Variants in PPP1R1C observed in about 807,000 individuals in gnomAD.
The protein encoded by PPP1R1C is protein phosphatase 1 regulatory subunit 1C.
Under a neutral mutation model 17.4 loss-of-function variants are expected in PPP1R1C, and 15 were observed. The observed-to-expected ratio is 0.86, with a 90% CI of 0.58 to 1.33. The LOEUF is 1.33. Among genes scored for constraint, PPP1R1C ranks in the 40% most tolerant of loss-of-function variants. The probability of loss-of-function intolerance (pLI) is 0.00; values close to 1 mark genes in which losing one functional copy is unlikely to be tolerated. For missense variants in PPP1R1C, 143 were observed against 130.0 expected (o/e 1.10, Z -0.48); for synonymous variants, 35 against 43.1 (o/e 0.81, Z 0.73).
At chr2:182,097,384 G>A (rs1224741378) in intron 4 of PPP1R1C, among the ~76,000 whole-genome samples, 1 of 152,146 alleles carries the variant, frequency 6.6e-6, no homozygotes, top group Non-Finnish European at 1.5e-5. Context: ...TTGTCTTCTA[G>A]TAAGTTATAG....
At chr2:182,023,232 T>C (rs983356171) in intron 2 of PPP1R1C, among the ~76,000 whole-genome samples, 1 of 152,012 alleles carries the variant, frequency 6.6e-6, no homozygotes, top group African/African-American at 2.4e-5. Context: ...ATCCCACAGC[T>C]AAAAATTCAG....
At chr2:181,989,314 A>G (rs1039935695) in intron 2 of PPP1R1C, among the ~76,000 whole-genome samples, 1 of 152,200 alleles carries the variant, frequency 6.6e-6, no homozygotes, top group African/African-American at 2.4e-5. Context: ...CCAAAATAGC[A>G]GCTACATTCT....
intron 2 of PPP1R1C, among the ~76,000 whole-genome samples, chr2:182,019,144 G>A (rs1686342951): frequency 6.6e-6 from 1 of 152,106 alleles, no homozygotes; most frequent in Non-Finnish European, 1.5e-5. Context: ...ACCAAATGTA[G>A]AGATTATTTG....
rs1687911186 is a variant in PPP1R1C, at chr2:182,063,782, A to C, written c.232A>C (p.Thr78Pro). The C allele has an allele frequency of 6.2e-7, 1 of 1,612,314 alleles. No homozygotes were observed. Among genetic ancestry groups the C allele is most frequent in the Non-Finnish European group, 8.5e-7 (1 of 1,178,794 alleles). ...GAAGCAGAGTGTGTACACACCACCC[A>C]CCATAAAAGGTACTGTTCAGGTACT... is the stretch of plus-strand genomic sequence containing the variant. ...QRKQSVYTPP[T>P]IKGVKHLKGQ... is the part of the protein sequence containing the mutation. The change falls in exon 4 of 5, where the codon ACC becomes CCC. Residue 78 changes from threonine (T) to proline (P), a missense_variant. Thr to Pro is a conservative substitution (Grantham distance 38). Coordinates refer to ENST00000682840, the MANE Select transcript of PPP1R1C (RefSeq NM_001080545.3).
chr2:181,994,041 C>T (rs1377671941), intron 2 of PPP1R1C, among the ~76,000 whole-genome samples: 2 of 151,864 alleles, frequency 1.3e-5, no homozygotes, highest in Non-Finnish European at 2.9e-5. Flanking sequence ...CTATAGTACC[C>T]CCTAATTCAT....
At chr2:181,966,290 A>T (rs1684901934) in intron 1 of PPP1R1C, among the ~76,000 whole-genome samples, 1 of 152,104 alleles carries the variant, frequency 6.6e-6, no homozygotes, top group Non-Finnish European at 1.5e-5. Flanking sequence ...ATTTGGAGGC[A>T]CTTTATTTCT....
chr2:182,016,884 G>A (rs376351064), intron 2 of PPP1R1C, among the ~76,000 whole-genome samples: 13 of 152,244 alleles, frequency 8.5e-5, no homozygotes, highest in East Asian at 5.8e-4. Context: ...GTTTTATGTC[G>A]TTTTTATAGG....
At chr2:182,079,491 A>G (rs1028724003) in intron 4 of PPP1R1C, among the ~76,000 whole-genome samples, 1 of 152,170 alleles carries the variant, frequency 6.6e-6, no homozygotes, top group African/African-American at 2.4e-5. Flanking sequence ...CAAAAATCTG[A>G]AGCCTGAGAA....
chr2:182,096,381 A>G (rs1688937462), intron 4 of PPP1R1C, among the ~76,000 whole-genome samples: 2 of 152,080 alleles, frequency 1.3e-5, no homozygotes, highest in South Asian at 4.1e-4. Flanking sequence ...AGACAGAGTG[A>G]CCTTGCTTCT....
rs1424601744 is a variant in PPP1R1C at position 182,077,998 on chromosome 2, A to G, written c.241+14207A>G. Among the ~76,000 whole-genome samples, 4 of 152,106 alleles carry G rather than the reference A, an allele frequency of 2.6e-5. No homozygotes were observed. The East Asian group carries it at 7.8e-4, about 29-fold the overall frequency. On this transcript the variant is annotated intron_variant, in intron 4 of 4. Coordinates refer to ENST00000682840, the MANE Select transcript of PPP1R1C (RefSeq NM_001080545.3). The stretch of plus-strand genomic sequence containing the variant: ...TTGAGACCAGTCTGGCTAACATGGT[A>G]AAACCCCTATCTCTACTTGAAAATG...
chr2:182,023,411 A>C (rs1004212231), intron 2 of PPP1R1C, among the ~76,000 whole-genome samples: 2 of 152,142 alleles, frequency 1.3e-5, no homozygotes, highest in African/African-American at 2.4e-5. Flanking sequence ...AAAGACATGG[A>C]AACAACTTGA....
chr2:182,078,094 C>T (rs1402242561), intron 4 of PPP1R1C, among the ~76,000 whole-genome samples: 1 of 152,122 alleles, frequency 6.6e-6, no homozygotes, highest in Non-Finnish European at 1.5e-5. Context: ...GCAGGAGAAT[C>T]GCTTGAGCCC....
intron 2 of PPP1R1C, among the ~76,000 whole-genome samples, chr2:182,010,630 A>C (rs1174267910): frequency 6.6e-6 from 1 of 152,004 alleles, no homozygotes; most frequent in Non-Finnish European, 1.5e-5. Context: ...TTCTTATCTA[A>C]TTTCTCTAGC....
At chr2:182,121,313 T>A (rs1278665758), downstream of PPP1R1C, among the ~76,000 whole-genome samples, 2 of 152,020 alleles carry the variant, frequency 1.3e-5, no homozygotes, top group African/African-American at 4.8e-5. Context: ...TTAAATGAGA[T>A]AAGACCTATA....
chr2:182,045,721 T>C (rs1687322941), intron 2 of PPP1R1C, among the ~76,000 whole-genome samples: 1 of 152,094 alleles, frequency 6.6e-6, no homozygotes, highest in Admixed American at 6.5e-5. Flanking sequence ...AAATTTGCAA[T>C]GGTTATATCT....
intron 4 of PPP1R1C, among the ~76,000 whole-genome samples, chr2:182,087,450 A>G (rs1309052574): frequency 6.6e-6 from 1 of 152,200 alleles, no homozygotes; most frequent in African/African-American, 2.4e-5. Flanking sequence ...TGCTGCTTTC[A>G]TCTTTTTAAC....
intron 2 of PPP1R1C, among the ~76,000 whole-genome samples, chr2:182,060,910 A>G (rs959887907): frequency 1.3e-5 from 2 of 152,156 alleles, no homozygotes; most frequent in Admixed American, 1.3e-4. Flanking sequence ...ACACAGCACA[A>G]TCATAAGAAG....
chr2:182,047,473 C>T (rs566621455), intron 2 of PPP1R1C, among the ~76,000 whole-genome samples: 1 of 152,096 alleles, frequency 6.6e-6, no homozygotes, highest in East Asian at 1.9e-4. Flanking sequence ...AAAGAAGATA[C>T]ACTTTTTTAA....
chr2:182,024,941 A>T (rs1305716964), intron 2 of PPP1R1C, among the ~76,000 whole-genome samples: 2 of 150,712 alleles, frequency 1.3e-5, no homozygotes, highest in African/African-American at 4.9e-5. Flanking sequence ...TTAAAAAATT[A>T]ATATATTCTT....
Sources: allele counts gnomAD v4.1 joint callset (sites outside exome capture counted in the v4.1 genomes callset), GRCh38; gene constraint gnomAD v4.1.1; transcripts MANE v1.5; gene names NCBI Gene and HGNC (gene_info 2026-07-23, HGNC 2026-07-21).